GNB1: variants seen among roughly 807,000 people sequenced by gnomAD.
The protein encoded by GNB1 is G protein subunit beta 1, also known as guanine nucleotide-binding protein G(I)/G(S)/G(T) subunit beta-1.
A neutral mutation model predicts 42.9 loss-of-function variants in GNB1; 2 were observed. The observed-to-expected ratio is 0.05, with a 90% CI of 0.02 to 0.15. The LOEUF is 0.15. GNB1 is among the 10% of genes least tolerant of loss of function. GNB1 has a pLI of 1.00. For missense variants in GNB1, 193 were observed against 462.2 expected, an observed-to-expected ratio of 0.42 and a Z score of 5.34; for synonymous variants, 183 against 174.7, an observed-to-expected ratio of 1.05 and a Z score of -0.38.
chr1:1,821,895 G>T (rs942668121), intron 3 of GNB1, among the ~76,000 whole-genome samples: 1 of 152,174 alleles, frequency 6.6e-6, no homozygotes, highest in African/African-American at 2.4e-5. Context: ...AGCACTTTGG[G>T]AGGCTGAGGC....
At chr1:1,830,920 T>C (rs1647067138) in intron 2 of GNB1, among the ~76,000 whole-genome samples, 1 of 152,080 alleles carries the variant, frequency 6.6e-6, no homozygotes, top group Non-Finnish European at 1.5e-5. Context: ...TCCCAGCACT[T>C]TGAGAGGCTG....
intron 1 of GNB1, among the ~76,000 whole-genome samples, chr1:1,866,634 T>C (rs529352340): frequency 4.1e-4 from 18 of 44,306 alleles, no homozygotes; most frequent in African/African-American, 6.7e-4. Context: ...GCTGATGAGC[T>C]TAAAAAAAAA....
intron 5 of GNB1, among the ~76,000 whole-genome samples, chr1:1,811,862 G>A (rs1323561975): frequency 1.3e-5 from 2 of 151,582 alleles, no homozygotes; most frequent in Non-Finnish European, 2.9e-5. Context: ...TCAGGAGATC[G>A]AGACCATCCT....
chr1:1,847,793 G>A (rs994366574), intron 1 of GNB1, among the ~76,000 whole-genome samples: 1 of 152,122 alleles, frequency 6.6e-6, no homozygotes, highest in East Asian at 1.9e-4. Context: ...AAAGGGTAGG[G>A]GGGTGGGTAA....
intron 7 of GNB1, among the ~76,000 whole-genome samples, chr1:1,803,666 CTTT>C (rs1160036301): frequency 4.6e-5 from 7 of 152,148 alleles, no homozygotes; most frequent in Admixed American, 1.3e-4. Context: ...ATTACTGTGA[CTTT>C]TATTTGAACC....
intron 3 of GNB1, among the ~76,000 whole-genome samples, chr1:1,823,752 G>C (rs1015647835): frequency 6.6e-6 from 1 of 152,106 alleles, no homozygotes; most frequent in African/African-American, 2.4e-5. Context: ...AATTATGTTG[G>C]TGTTTCTCTC....
At chr1:1,867,864 T>C (rs545483430) in intron 1 of GNB1, among the ~76,000 whole-genome samples, 2 of 152,272 alleles carry the variant, frequency 1.3e-5, no homozygotes, top group East Asian at 3.9e-4. Flanking sequence ...TGACAAACCA[T>C]CCATTCCCAA....
At chr1:1,800,986 G>A (rs955397554) in intron 7 of GNB1, among the ~76,000 whole-genome samples, 2 of 152,214 alleles carry the variant, frequency 1.3e-5, no homozygotes, top group African/African-American at 2.4e-5. Context: ...GAGCGGGAAG[G>A]GCACTGGACA....
chr1:1,880,408 G>A (rs1483243409), intron 1 of GNB1, among the ~76,000 whole-genome samples: 1 of 151,820 alleles, frequency 6.6e-6, no homozygotes, highest in Admixed American at 6.6e-5. Flanking sequence ...AGACCACGGT[G>A]AAACCCCGCC....
intron 1 of GNB1, among the ~76,000 whole-genome samples, chr1:1,888,960 G>C (rs1327245150): frequency 6.6e-6 from 1 of 152,088 alleles, no homozygotes; most frequent in Non-Finnish European, 1.5e-5. Context: ...CCCCAGCCTC[G>C]AACCCAGCGT....
At chr1:1,871,279 G>A (rs1649233520) in intron 1 of GNB1, among the ~76,000 whole-genome samples, 1 of 152,024 alleles carries the variant, frequency 6.6e-6, no homozygotes, top group South Asian at 2.1e-4. Flanking sequence ...GACCAACATG[G>A]TGAAACCCCG....
At position 1,787,529 on chromosome 1, in the gene GNB1, C is replaced by A; in HGVS notation, c.917-92G>T. The A allele has an allele frequency of 1.3e-6, 1 of 750,334 alleles. No homozygotes were observed. The highest frequency in any genetic ancestry group is 1.7e-5 in the South Asian group (1 of 60,160). The allele number at this position is 750,334 out of a possible 1,614,324, so 46.5% of individuals were successfully genotyped here. Reference sequence around the variant, plus strand: ...TGTGACGAGGACGGATGGTGCATCTCTCATGGGACAAGACCCAGAGTCTCC... The same window carrying A: ...TGTGACGAGGACGGATGGTGCATCTATCATGGGACAAGACCCAGAGTCTCC... On this transcript the variant is annotated intron_variant, in intron 10 of 11. Coordinates refer to ENST00000378609, the MANE Select transcript of GNB1 (RefSeq NM_002074.5). This position sits in a 1 kb window ranked among gnomAD's most constrained non-coding sequence, Gnocchi z 4.4.
chr1:1,837,735 T>G (rs1647172046), intron 2 of GNB1, among the ~76,000 whole-genome samples: 1 of 150,820 alleles, frequency 6.6e-6, no homozygotes, highest in Non-Finnish European at 1.5e-5. Context: ...AATCTTTTCC[T>G]TTGTATTTTC....
intron 1 of GNB1, among the ~76,000 whole-genome samples, chr1:1,866,879 G>A (rs1359870282): frequency 2.6e-5 from 4 of 152,028 alleles, no homozygotes; most frequent in East Asian, 3.9e-4. Flanking sequence ...GCGTCAACCC[G>A]GGAGGCGGAG....
chr1:1,816,436 G>C (rs1036238476), intron 4 of GNB1, among the ~76,000 whole-genome samples: 6 of 151,998 alleles, frequency 3.9e-5, no homozygotes, highest in Admixed American at 2.0e-4. Context: ...TTTTAAAAAC[G>C]GACAGTCCAA....
At chr1:1,835,104 T>C (rs1216076890) in intron 2 of GNB1, among the ~76,000 whole-genome samples, 2 of 152,196 alleles carry the variant, frequency 1.3e-5, no homozygotes, top group Admixed American at 6.5e-5. Context: ...ATGAATACTA[T>C]GTGCTTTCCC....
At position 1,890,737 on chromosome 1, in the gene GNB1, G is replaced by C. The variant is rs1650457168; in HGVS notation, c.-96+83C>G. The C allele has an allele frequency of 7.4e-5, 11 of 148,486 alleles. 1 individual carries two copies. The highest frequency in any genetic ancestry group is 7.3e-4 in the Admixed American group (11 of 14,994). 9.2% of individuals were successfully genotyped at this position (148,486 alleles called of 1,614,324 possible). On this transcript the variant is annotated intron_variant, in intron 1 of 11. Transcript: ENST00000378609. ...AAGACGCGGCCCCGACCGGCGGGTGGGGTGGGGGCGGGGCGGGCGCCCCCA... is the reference window on the plus strand; with the variant it reads ...AAGACGCGGCCCCGACCGGCGGGTGCGGTGGGGGCGGGGCGGGCGCCCCCA...
rs137888936 is a variant in GNB1 at position 1,817,873 on chromosome 1, G to A, written c.60C>T (p.Asp20=). Reference sequence around the variant, plus strand: ...TTGCATCTGCACATGCTTTCCTGGCGTCCTGGGAAGCAAGGACAGTGAGAA... The same window carrying A: ...TTGCATCTGCACATGCTTTCCTGGCATCCTGGGAAGCAAGGACAGTGAGAA... ...EAEQLKNQIR[D]ARKACADATL... The change falls in exon 4 of 12, where the codon GAC becomes GAT. Residue 20 remains aspartate, a splice_region_variant and synonymous_variant. Coordinates refer to ENST00000378609, the MANE Select transcript of GNB1 (RefSeq NM_002074.5). 4.7e-5 allele frequency: 76 copies of A among 1,609,312 alleles called. No individual in the cohort carries two copies. Among genetic ancestry groups the A allele is most frequent in the Middle Eastern group, 1.6e-4 (1 of 6,076 alleles).
intron 1 of GNB1, among the ~76,000 whole-genome samples, 174 bp downstream of exon 1, chr1:1,890,646 C>A (rs936324951): frequency 2.0e-5 from 3 of 147,990 alleles, no homozygotes; most frequent in African/African-American, 7.3e-5. Context: ...CCCTGCACCC[C>A]GAACCTCGGA....
Sources: gnomAD v4.1 joint callset for allele counts (sites outside exome capture counted in the v4.1 genomes callset) on GRCh38, gnomAD v4.1.1 for gene constraint, Gnocchi (gnomAD v3.1) non-coding constraint, MANE v1.5 for transcripts, NCBI Gene and HGNC (gene_info 2026-07-23, HGNC 2026-07-21) for gene names.